The following XCL2 variants were observed in gnomAD, a reference collection of about 807,000 sequenced individuals.
XCL2 encodes the protein cytokine SCM-1 beta.
A neutral mutation model predicts 7.2 loss-of-function variants in XCL2; 8 were observed. The ratio of observed to expected loss-of-function variants is 1.10; its 90% confidence interval spans 0.65 to 1.99. The LOEUF is 1.99. Ranked by LOEUF, XCL2 falls within the 30% of genes most tolerant of loss-of-function variation. The pLI is 0.00. For synonymous variants in XCL2, 46 were observed against 54.2 expected, an observed-to-expected ratio of 0.85 and a Z score of 0.67; for missense variants, 131 against 138.6, an observed-to-expected ratio of 0.94 and a Z score of 0.28.
chr1:168,541,666 G>A (rs1287149572), intron 2 of XCL2, among the ~76,000 whole-genome samples: 1 of 152,112 alleles, frequency 6.6e-6, no homozygotes, highest in Non-Finnish European at 1.5e-5. Context: ...CCCAACTCCA[G>A]TGAGGCTTGC....
rs565892498 is a variant in XCL2 at position 168,541,101 on chromosome 1, G to T, written c.196C>A (p.Leu66Ile). The T allele has an allele frequency of 4.3e-6, 7 of 1,613,536 alleles. No homozygotes were observed. The African/African-American group carries it at 9.3e-5, about 22-fold the overall frequency. ...GCTTGTGGATCAGCACAGACTTTTAGGCCACGTTTGGTAATAAAACTGTAA... is the reference window on the plus strand; with the variant it reads ...GCTTGTGGATCAGCACAGACTTTTATGCCACGTTTGGTAATAAAACTGTAA... ...RAVIFITKRG[L>I]KVCADPQATW... The change falls in exon 3 of 3, where the codon CTA (leucine) becomes ATA (isoleucine). Residue 66 changes from leucine (L) to isoleucine (I), a missense_variant. Coordinates refer to ENST00000367819, the MANE Select transcript of XCL2 (RefSeq NM_003175.4).
intron 2 of XCL2, 85 bp from the exon 3 acceptor site, chr1:168,541,205 A>C (rs1654274661): frequency 6.6e-7 from 1 of 1,514,994 alleles, no homozygotes; most frequent in African/African-American, 1.4e-5. Flanking sequence ...AGACATGAAG[A>C]GATCTTGTGC....
At chr1:168,542,226 T>G (rs1654303118) in intron 1 of XCL2, 119 bp from the exon 2 acceptor site, 1 of 823,726 alleles carries the variant, frequency 1.2e-6, no homozygotes, top group Non-Finnish European at 1.7e-6. Flanking sequence ...ATTTGCTTTT[T>G]GGGGGAAGAG....
chr1:168,542,627 G>T (rs2101816088), intron 1 of XCL2: 1 of 158,712 alleles, frequency 6.3e-6, no homozygotes, highest in African/African-American at 2.4e-5. Flanking sequence ...AGTACTCTAG[G>T]CAAGGCAACA....
Position 168,541,649 on chromosome 1 carries a change from A to G in XCL2, c.176+344T>C, listed in dbSNP as rs535009794. 8.5e-5 allele frequency among the ~76,000 whole-genome samples: 13 copies of G among 152,258 alleles called. No homozygotes were observed. In the South Asian group the frequency reaches 2.7e-3, roughly 32 times the overall value. On this transcript the variant is annotated intron_variant, in intron 2 of 2. Coordinates refer to ENST00000367819, the MANE Select transcript of XCL2 (RefSeq NM_003175.4). ...ATGGGACTCTGCCTAACTCAACCCT[A>G]AGATCCCCCAACTCCAGTGAGGCTT...
At chr1:168,542,136 T>C (rs774433599) in intron 1 of XCL2, 29 bp from the exon 2 acceptor site, 3 of 1,467,732 alleles carry the variant, frequency 2.0e-6, no homozygotes, top group Non-Finnish European at 2.8e-6. Context: ...CAACAGACAA[T>C]TAAAAATAAA....
rs112789013 is a variant in XCL2, at chr1:168,541,799, A to G, written c.176+194T>C. Among the ~76,000 whole-genome samples, 1,089 of 152,260 alleles carry G rather than the reference A, an allele frequency of 7.2e-3. 9 individuals are homozygous for G. The highest frequency in any genetic ancestry group is 0.041 in the Middle Eastern group (12 of 294). On this transcript the variant is annotated intron_variant, in intron 2 of 2. Coordinates refer to ENST00000367819, the MANE Select transcript of XCL2 (RefSeq NM_003175.4). ...CTTCTATTCTTTCTTTGGCAGCCCA[A>G]TTTCTGCAATAATCGCTATTCGGTT... is the stretch of plus-strand genomic sequence containing the variant.
At chr1:168,543,792 G>C (rs1253512414) in intron 1 of XCL2, 112 bp downstream of exon 1, 50 of 1,483,008 alleles carry the variant, frequency 3.4e-5, no homozygotes, top group Non-Finnish European at 4.4e-5. Flanking sequence ...GAAGTTTAAG[G>C]CTCCCCTGGA....
rs867050189 is a variant in XCL2, at chr1:168,540,782, T to C, written c.*170A>G. The C allele has an allele frequency of 5.4e-5, 39 of 726,062 alleles. No homozygotes were observed. Among genetic ancestry groups the C allele is most frequent in the Non-Finnish European group, 6.5e-5 (32 of 492,574 alleles). The allele number at this position is 726,062 out of a possible 1,614,324, so 45.0% of individuals were successfully genotyped here. A position where few individuals can be genotyped will look rare whatever the true frequency, so the allele number is the denominator to read the frequency against. On this transcript the variant is annotated 3_prime_UTR_variant, in exon 3 of 3. Coordinates refer to ENST00000367819, the MANE Select transcript of XCL2 (RefSeq NM_003175.4). Reference sequence around the variant, plus strand: ...GGGAACTATTCTTAATAATAAATAATTTATTAATTAGAACATATAAGTGAA... The same window carrying C: ...GGGAACTATTCTTAATAATAAATAACTTATTAATTAGAACATATAAGTGAA...
At chr1:168,541,393 CA>C (rs1441151238) in intron 2 of XCL2, among the ~76,000 whole-genome samples, 8 of 152,236 alleles carry the variant, frequency 5.3e-5, no homozygotes, top group African/African-American at 1.4e-4. Context: ...AACAAAAAGA[CA>C]TTTGAGGCCA....
In XCL2 at chr1:168,543,149, G is replaced by A. The variant is rs1654326868; in HGVS notation, c.61+755C>T. The A allele has an allele frequency of 9.4e-6, 3 of 319,652 alleles. 1 individual carries two copies. Among genetic ancestry groups the A allele is most frequent in the South Asian group, 8.5e-5 (3 of 35,230 alleles). 19.8% of individuals were successfully genotyped at this position (319,652 alleles called of 1,614,324 possible). ...CACTAGGAAATCACCTGTTCTTTGA[G>A]CAGGGGTTAACATCATCACCACCTT... On this transcript the variant is annotated intron_variant, in intron 1 of 2. Coordinates refer to ENST00000367819, the MANE Select transcript of XCL2 (RefSeq NM_003175.4).
At position 168,541,247 on chromosome 1, in the gene XCL2, C is replaced by A. The variant is rs1404781699; in HGVS notation, c.177-127G>T. 3.1e-6 allele frequency: 4 copies of A among 1,282,478 alleles called. No homozygotes were observed. The East Asian group carries it at 7.5e-5, about 24-fold the overall frequency. 79.4% of individuals were successfully genotyped at this position (1,282,478 alleles called of 1,614,324 possible). ...TACTGCAAGAAATAGTCTTTCAGAG[C>A]CATGAGATCATAAATGAGCACCCTT... On this transcript the variant is annotated intron_variant, in intron 2 of 2. Transcript: ENST00000367819.
At chr1:168,541,908 T>A (rs1654291339) in intron 2 of XCL2, 85 bp downstream of exon 2, 3 of 1,246,028 alleles carry the variant, frequency 2.4e-6, no homozygotes, top group African/African-American at 1.5e-5. Flanking sequence ...GACCTACTTT[T>A]CCTGAGGATG....
intron 2 of XCL2, among the ~76,000 whole-genome samples, chr1:168,541,751 C>T (rs1192631655): frequency 6.6e-6 from 1 of 152,176 alleles, no homozygotes; most frequent in Non-Finnish European, 1.5e-5. Flanking sequence ...ACAGACTCTT[C>T]CACTAAGACA....
chr1:168,541,534 T>C (rs1017041075), intron 2 of XCL2, among the ~76,000 whole-genome samples: 2 of 152,168 alleles, frequency 1.3e-5, no homozygotes, highest in African/African-American at 4.8e-5. Flanking sequence ...GGAAGAGTTA[T>C]TACTTCTAAA....
At chr1:168,541,640 C>T (rs1322669848) in intron 2 of XCL2, among the ~76,000 whole-genome samples, 1 of 152,128 alleles carries the variant, frequency 6.6e-6, no homozygotes. Context: ...CTCTGCCTAA[C>T]TCAACCCTAA....
intron 1 of XCL2, chr1:168,543,319 C>A: frequency 9.2e-6 from 2 of 217,360 alleles, no homozygotes; most frequent in South Asian, 6.3e-5. Context: ...CTGGGACATC[C>A]AGTCCACAGC....
At chr1:168,541,502 G>A (rs1197199061) in intron 2 of XCL2, among the ~76,000 whole-genome samples, 1 of 152,082 alleles carries the variant, frequency 6.6e-6, no homozygotes, top group South Asian at 2.1e-4. Context: ...ATTCTTTAGA[G>A]CAAAGCTTGC....
intron 2 of XCL2, among the ~76,000 whole-genome samples, chr1:168,541,725 C>T (rs1024050689): frequency 2.2e-4 from 34 of 152,160 alleles, no homozygotes; most frequent in Non-Finnish European, 4.6e-4. Context: ...GATCTCAGAG[C>T]TGTGCACAGT....
Sources: gnomAD v4.1 joint callset for allele counts (sites outside exome capture counted in the v4.1 genomes callset) on GRCh38, gnomAD v4.1.1 for gene constraint, MANE v1.5 for transcripts, NCBI Gene and HGNC (gene_info 2026-07-23, HGNC 2026-07-21) for gene names.